The following DGKI variants were observed in gnomAD, a reference collection of about 807,000 sequenced individuals.
The protein encoded by DGKI is diacylglycerol kinase iota, also known as DAG kinase iota.
In DGKI, 55 loss-of-function variants were observed where a neutral mutation model predicts 147.5. The ratio of observed to expected loss-of-function variants is 0.37; its 90% CI spans 0.30 to 0.47. The LOEUF is 0.47. Among genes scored for constraint, DGKI ranks in the 20% least tolerant of loss-of-function variants. The pLI is 1.00. For missense variants in DGKI, 1,007 were observed against 1,323.8 expected, an observed-to-expected ratio of 0.76 and a Z score of 3.71; for synonymous variants, 469 against 477.1, an observed-to-expected ratio of 0.98 and a Z score of 0.22.
At chr7:137,814,233 G>A (rs1330719698) in intron 1 of DGKI, among the ~76,000 whole-genome samples, 3 of 152,108 alleles carry the variant, frequency 2.0e-5, no homozygotes, top group Non-Finnish European at 2.9e-5. Flanking sequence ...TAACAGCAGG[G>A]CTCTCCATTT....
At chr7:137,444,217 TAGAC>T (rs1207664497) in intron 27 of DGKI, 115 bp from the exon 28 acceptor site, 11 of 630,196 alleles carry the variant, frequency 1.7e-5, no homozygotes, top group Non-Finnish European at 2.7e-5. Flanking sequence ...GTCAATATAG[TAGAC>T]AGTGTAATTA....
chr7:137,691,290 A>C (rs957701824), intron 1 of DGKI, among the ~76,000 whole-genome samples: 1 of 152,156 alleles, frequency 6.6e-6, no homozygotes, highest in Non-Finnish European at 1.5e-5. Flanking sequence ...TGCATTATTT[A>C]CTTTATCTTC....
chr7:137,602,093 G>A (rs751961279), intron 10 of DGKI, among the ~76,000 whole-genome samples: 18 of 151,980 alleles, frequency 1.2e-4, no homozygotes, highest in South Asian at 6.2e-4. Flanking sequence ...ATGTTTAATA[G>A]GTAACACAGG....
At chr7:137,445,094 A>G (rs918609627) in intron 27 of DGKI, among the ~76,000 whole-genome samples, 3 of 152,210 alleles carry the variant, frequency 2.0e-5, no homozygotes, top group African/African-American at 7.2e-5. Context: ...ACTATAACTA[A>G]TATTTATGAG....
At chr7:137,469,243 G>A (rs1814785490) in intron 24 of DGKI, among the ~76,000 whole-genome samples, 1 of 152,182 alleles carries the variant, frequency 6.6e-6, no homozygotes, top group African/African-American at 2.4e-5. Flanking sequence ...CTACTGGTCT[G>A]AATTAATTTA....
At chr7:137,770,905 T>C (rs1796174721) in intron 1 of DGKI, among the ~76,000 whole-genome samples, 1 of 152,136 alleles carries the variant, frequency 6.6e-6, no homozygotes, top group Non-Finnish European at 1.5e-5. Flanking sequence ...TCATATAGTC[T>C]TGAAGTGAAC....
intron 1 of DGKI, among the ~76,000 whole-genome samples, chr7:137,822,390 G>A (rs1797931433): frequency 6.6e-6 from 1 of 152,076 alleles, no homozygotes; most frequent in Admixed American, 6.6e-5. Context: ...CTGGGGGACA[G>A]AGCAAGACTC....
At chr7:137,397,506 G>A in intron 30 of DGKI, 93 bp from the exon 31 acceptor site, 1 of 1,279,200 alleles carries the variant, frequency 7.8e-7, no homozygotes. Context: ...AAATGCCTTG[G>A]AAAGCTAAAT....
intron 23 of DGKI, among the ~76,000 whole-genome samples, chr7:137,472,037 C>G (rs1300134731): frequency 7.9e-6 from 1 of 126,908 alleles, no homozygotes; most frequent in Non-Finnish European, 1.6e-5. Context: ...TATATACACA[C>G]TATATATGTA....
rs188090622 is a variant in DGKI at position 137,447,702 on chromosome 7, G to A, written c.2736-3600C>T. Among the ~76,000 whole-genome samples the A allele has an allele frequency of 2.0e-4, 30 of 152,320 alleles. 1 individual carries two copies. The East Asian group carries it at 5.0e-3, about 25-fold the overall frequency. ...TGGCAAGGGCCATTTCATACATGGC[G>A]TGTGGGGCCCCGGTGAAGTACTTGC... On this transcript the variant is annotated intron_variant, in intron 27 of 32. Coordinates refer to ENST00000614521, the MANE Select transcript of DGKI (RefSeq NM_001321708.2).
intron 1 of DGKI, among the ~76,000 whole-genome samples, chr7:137,820,892 T>C (rs943942111): frequency 1.6e-4 from 24 of 152,200 alleles, no homozygotes; most frequent in Admixed American, 1.4e-3. Flanking sequence ...GTGAGGAGTC[T>C]CTAGTTTCGG....
chr7:137,733,930 C>G (rs1794953135), intron 1 of DGKI, among the ~76,000 whole-genome samples: 1 of 152,102 alleles, frequency 6.6e-6, no homozygotes. Context: ...ATTACTAATG[C>G]TGCTGCACAG....
At chr7:137,842,631 G>A (rs1286072608) in intron 1 of DGKI, among the ~76,000 whole-genome samples, 6 of 152,016 alleles carry the variant, frequency 3.9e-5, no homozygotes, top group Admixed American at 2.0e-4. Flanking sequence ...ACCTAGGTTC[G>A]CCTACACAAC....
chr7:137,423,571 G>T (rs1812665134), intron 28 of DGKI, among the ~76,000 whole-genome samples: 1 of 152,160 alleles, frequency 6.6e-6, no homozygotes, highest in African/African-American at 2.4e-5. Flanking sequence ...AGCTCAAAAA[G>T]ATTATAAGCT....
At chr7:137,488,557 A>G (rs1434490869) in intron 21 of DGKI, among the ~76,000 whole-genome samples, 1 of 152,184 alleles carries the variant, frequency 6.6e-6, no homozygotes, top group African/African-American at 2.4e-5. Flanking sequence ...TTAAAAGTAC[A>G]ATTACACGAT....
intron 5 of DGKI, among the ~76,000 whole-genome samples, chr7:137,654,511 C>T (rs1302357550): frequency 6.6e-6 from 1 of 152,186 alleles, no homozygotes; most frequent in Non-Finnish European, 1.5e-5. Flanking sequence ...TTGGTAAGAC[C>T]TTAAACTCCC....
At chr7:137,523,849 G>A (rs908252017) in intron 20 of DGKI, among the ~76,000 whole-genome samples, 1 of 146,194 alleles carries the variant, frequency 6.8e-6, no homozygotes, top group Non-Finnish European at 1.5e-5. Flanking sequence ...TTACAGGTAG[G>A]GAAACTGAAG....
chr7:137,803,172 C>G (rs1301658407), intron 1 of DGKI, among the ~76,000 whole-genome samples: 2 of 152,004 alleles, frequency 1.3e-5, no homozygotes, highest in Admixed American at 6.6e-5. Context: ...TGGAGGGGTG[C>G]AAGCTGAGAG....
chr7:137,469,648 C>T (rs760131002), intron 23 of DGKI, 29 bp from the exon 24 acceptor site: 2 of 1,606,650 alleles, frequency 1.2e-6, no homozygotes, highest in Non-Finnish European at 1.7e-6. Context: ...ACTCTAGTGG[C>T]TGCATTTCAA....
Sources: gnomAD v4.1 joint callset for allele counts (sites outside exome capture counted in the v4.1 genomes callset) on GRCh38, gnomAD v4.1.1 for gene constraint, MANE v1.5 for transcripts, NCBI Gene and HGNC (gene_info 2026-07-23, HGNC 2026-07-21) for gene names.